MYH15: variants seen among roughly 807,000 people sequenced by gnomAD.
The protein encoded by MYH15 is myosin heavy chain 15, also known as myosin-15.
Under a neutral mutation model 240.5 loss-of-function variants are expected in MYH15, and 227 were observed. That is an observed-to-expected ratio of 0.94 (90% CI 0.85 to 1.05). The LOEUF (loss-of-function observed/expected upper bound fraction) is 1.05, where lower values mean the gene tolerates loss of function less well. Ranked by LOEUF, MYH15 falls within the 50% of genes least tolerant of loss-of-function variation. The pLI, the probability that MYH15 is intolerant of heterozygous loss-of-function variation, is 0.00. For missense variants in MYH15, 2,217 were observed against 2,247.5 expected (o/e 0.99, Z 0.27); for synonymous variants, 785 against 796.7 (o/e 0.99, Z 0.25).
At position 108,439,844 on chromosome 3, in the gene MYH15, C is replaced by G; in HGVS notation, c.2968G>C (p.Val990Leu). Residue 990 changes from valine to leucine, a missense_variant, in exon 24 of 41, where the codon GTT (valine) becomes CTT (leucine). Val to Leu is a conservative substitution (Grantham distance 32). Transcript: ENST00000693548. ...DISKLNRAAK[V>L]VQEAHQQTLD... ...GTCTGCTGATGGGCCTCCTGCACAACCTTGGCTGCTCTGTTAAGTTTGCTG... is the reference window on the plus strand; with the variant it reads ...GTCTGCTGATGGGCCTCCTGCACAAGCTTGGCTGCTCTGTTAAGTTTGCTG... The G allele has an allele frequency of 6.2e-7, 1 of 1,613,252 alleles. No homozygotes were observed. The highest frequency in any genetic ancestry group is 1.1e-5 in the South Asian group (1 of 90,898).
intron 21 of MYH15, 66 bp from the exon 22 acceptor site, chr3:108,444,961 A>C: frequency 6.7e-7 from 1 of 1,487,170 alleles, no homozygotes; most frequent in Non-Finnish European, 9.0e-7. Context: ...TTCCCAAATT[A>C]AGATCCTCAA....
At chr3:108,471,058 A>AG (rs1423802806) in intron 12 of MYH15, among the ~76,000 whole-genome samples, 138 of 28,450 alleles carry the variant, frequency 4.9e-3, no homozygotes, top group African/African-American at 0.014. Flanking sequence ...AGAAAGAGGA[A>AG]GGAAGGGAGG....
chr3:108,507,022 C>T (rs1343091409), intron 1 of MYH15, among the ~76,000 whole-genome samples: 1 of 151,866 alleles, frequency 6.6e-6, no homozygotes, highest in Non-Finnish European at 1.5e-5. Flanking sequence ...CAGAGTGATA[C>T]TCTATCTCAA....
At chr3:108,538,271 C>CT in the MYH15 span, among the ~76,000 whole-genome samples, 1 of 152,176 alleles carries the variant, frequency 6.6e-6, no homozygotes, top group African/African-American at 2.4e-5. Context: ...TTAAGGAAAT[C>CT]TTTATTGTAT....
intron 14 of MYH15, 32 bp from the exon 15 acceptor site, chr3:108,464,846 T>C (rs1322751798): frequency 2.6e-6 from 4 of 1,541,800 alleles, no homozygotes; most frequent in Non-Finnish European, 3.5e-6. Flanking sequence ...AGCAGATTTC[T>C]TTAAAAACAC....
intron 1 of MYH15, among the ~76,000 whole-genome samples, chr3:108,509,351 G>A (rs2083503704): frequency 6.6e-6 from 1 of 151,798 alleles, no homozygotes; most frequent in Admixed American, 6.6e-5. Flanking sequence ...TTTCTTCCTG[G>A]CATCACTATT....
intron 18 of MYH15, among the ~76,000 whole-genome samples, chr3:108,458,145 CTG>C (rs2083039550): frequency 6.6e-6 from 1 of 152,180 alleles, no homozygotes; most frequent in African/African-American, 2.4e-5. Flanking sequence ...ATATGAATAA[CTG>C]TTTTGATTAG....
chr3:108,428,585 CT>C lies in MYH15; in HGVS notation c.3608del (p.Gln1203ArgfsTer16), dbSNP rs750079853. 3.1e-6 allele frequency: 5 copies of C among 1,613,948 alleles called. No individual in the cohort carries two copies. The East Asian group carries it at 8.9e-5, about 29-fold the overall frequency. Reference sequence around the variant, plus strand: ...CTTTTTCCAGTTTCTGCTTGACCTGCTGTAGATTTTCTACCTGGCCCTCGAG... The same window carrying C: ...CTTTTTCCAGTTTCTGCTTGACCTGCGTAGATTTTCTACCTGGCCCTCGAG... ...AELEGQVENL[Q>X]QVKQKLEKDK... On this transcript the variant is annotated frameshift_variant, in exon 27 of 41. Coordinates refer to ENST00000693548, the MANE Select transcript of MYH15 (RefSeq NM_014981.3). LOFTEE classifies it high-confidence loss of function.
At chr3:108,514,592 T>C (rs2083546343), upstream of MYH15, among the ~76,000 whole-genome samples, 1 of 152,050 alleles carries the variant, frequency 6.6e-6, no homozygotes, top group Admixed American at 6.6e-5. Context: ...TGAATTATTA[T>C]GCATTAGACA....
chr3:108,545,717 A>AC, the MYH15 span, among the ~76,000 whole-genome samples: 37 of 150,634 alleles, frequency 2.5e-4, no homozygotes, highest in African/African-American at 6.8e-4. Context: ...ACACACACAC[A>AC]AACAAATCTT....
At chr3:108,474,922 A>G (rs992202965) in intron 12 of MYH15, among the ~76,000 whole-genome samples, 5 of 152,230 alleles carry the variant, frequency 3.3e-5, no homozygotes, top group African/African-American at 1.2e-4. Flanking sequence ...TGAATTAGAC[A>G]CAGTTCATGC....
At chr3:108,456,244 C>G (rs370091106) in intron 19 of MYH15, among the ~76,000 whole-genome samples, 27 of 152,130 alleles carry the variant, frequency 1.8e-4, no homozygotes, top group African/African-American at 6.5e-4. Context: ...TGGTGGAAAA[C>G]AAGAAATATG....
At chr3:108,542,208 T>A in the MYH15 span, among the ~76,000 whole-genome samples, 9 of 152,124 alleles carry the variant, frequency 5.9e-5, no homozygotes, top group Non-Finnish European at 1.2e-4. Flanking sequence ...ATTATTTACA[T>A]CTTGGATTAC....
In MYH15 at chr3:108,510,576, G is replaced by T. The variant is rs548035341; in HGVS notation, c.-46C>A. 6.3e-7 allele frequency: 1 copy of T among 1,589,960 alleles called. No homozygotes were observed. The highest frequency in any genetic ancestry group is 1.1e-5 in the South Asian group (1 of 88,502). On this transcript the variant is annotated 5_prime_UTR_variant, in exon 1 of 41. Coordinates refer to ENST00000693548, the MANE Select transcript of MYH15 (RefSeq NM_014981.3). Reference sequence around the variant, plus strand: ...AAAAAAAGGCCCTAAACGTGAGTAGGCAAGATTCAACCTGAAAAAAAAAAA... The same window carrying T: ...AAAAAAAGGCCCTAAACGTGAGTAGTCAAGATTCAACCTGAAAAAAAAAAA...
chr3:108,444,692 T>C lies in MYH15; in HGVS notation c.2603A>G (p.Lys868Arg), dbSNP rs771195898. Residue 868 changes from lysine (K) to arginine (R), a missense_variant, in exon 22 of 41, where the codon AAG becomes AGG. Transcript: ENST00000693548. ...SEFQREELKA[K>R]QVSLTQEKND... Reference sequence around the variant, plus strand: ...TTTTTCCTGAGTGAGGGATACTTGCTTTGCTTTCAGTTCCTCCCTCTGAAA... The same window carrying C: ...TTTTTCCTGAGTGAGGGATACTTGCCTTGCTTTCAGTTCCTCCCTCTGAAA... The C allele has an allele frequency of 6.2e-7, 1 of 1,614,086 alleles. No individual in the cohort carries two copies. Among genetic ancestry groups the C allele is most frequent in the Non-Finnish European group, 8.5e-7 (1 of 1,179,966 alleles).
At position 108,409,047 on chromosome 3, in the gene MYH15, A is replaced by G. The variant is rs571772726; in HGVS notation, c.4496-643T>C. Among the ~76,000 whole-genome samples, 4 of 152,150 alleles carry G rather than the reference A, an allele frequency of 2.6e-5. No individual in the cohort carries two copies. In the East Asian group the frequency reaches 5.8e-4, roughly 22 times the overall value. ...TGTTATGGTCAGTTCTGCCTTTAGT[A>G]CCTAAGAGGTGTGGTATAGGGCCAA... On this transcript the variant is annotated intron_variant, in intron 31 of 40. Coordinates refer to ENST00000693548, the MANE Select transcript of MYH15 (RefSeq NM_014981.3).
At chr3:108,518,450 G>A (rs558167761) in intron 1 of MYH15, among the ~76,000 whole-genome samples, 6 of 152,194 alleles carry the variant, frequency 3.9e-5, no homozygotes, top group Admixed American at 6.5e-5. Context: ...TCAGTCTCCC[G>A]ACAGCAGCCA....
At chr3:108,416,759 T>TAA in intron 29 of MYH15, 53 bp downstream of exon 29, 9 of 1,415,274 alleles carry the variant, frequency 6.4e-6, no homozygotes, top group African/African-American at 2.9e-5. Flanking sequence ...CACTATTTTT[T>TAA]AAAAAAAAAA....
At chr3:108,511,839 C>A (rs143363130), upstream of MYH15, among the ~76,000 whole-genome samples, 751 of 152,302 alleles carry the variant, frequency 4.9e-3, 13 homozygotes, top group Admixed American at 0.026. Context: ...AATCTGCTCT[C>A]TTCTTTGTGG....
Sources: allele counts gnomAD v4.1 joint callset (sites outside exome capture counted in the v4.1 genomes callset), GRCh38; gene constraint gnomAD v4.1.1; transcripts MANE v1.5; gene names NCBI Gene and HGNC (gene_info 2026-07-23, HGNC 2026-07-21).